The following INPP4B variants were observed in gnomAD, a reference collection of about 807,000 sequenced individuals.
INPP4B encodes the protein inositol polyphosphate 4-phosphatase type II.
A neutral mutation model predicts 122.5 loss-of-function variants in INPP4B; 55 were observed. The observed-to-expected ratio is 0.45, with a 90% CI of 0.36 to 0.56. The LOEUF is 0.56. Among genes scored for constraint, INPP4B ranks in the 20% least tolerant of loss-of-function variants. The pLI is 0.00. For missense variants in INPP4B, 1,000 were observed against 1,097.7 expected (o/e 0.91, Z 1.26); for synonymous variants, 403 against 388.7 (o/e 1.04, Z -0.43).
At chr4:142,465,108 C>A (rs1392951857) in intron 2 of INPP4B, among the ~76,000 whole-genome samples, 1 of 152,162 alleles carries the variant, frequency 6.6e-6, no homozygotes, top group Non-Finnish European at 1.5e-5. Context: ...AATGCATACA[C>A]AAGATGGGTA....
At chr4:142,362,820 C>T (rs28707318) in intron 7 of INPP4B, among the ~76,000 whole-genome samples, 61,823 of 151,612 alleles carry the variant, frequency 0.41, 13,000 homozygotes, top group East Asian at 0.64. Flanking sequence ...GAGCAATGGA[C>T]ATTGAGTTTT....
intron 3 of INPP4B, among the ~76,000 whole-genome samples, chr4:142,442,150 T>C (rs1426417734): frequency 2.0e-5 from 3 of 151,998 alleles, no homozygotes; most frequent in African/African-American, 7.2e-5. Flanking sequence ...GGCTCACGCC[T>C]ACCTGTAATC....
At chr4:142,041,170 A>T (rs995368097) in intron 25 of INPP4B, among the ~76,000 whole-genome samples, 1 of 152,154 alleles carries the variant, frequency 6.6e-6, no homozygotes, top group Non-Finnish European at 1.5e-5. Context: ...ACACGAAAAA[A>T]AATTAGCTCA....
intron 3 of INPP4B, among the ~76,000 whole-genome samples, chr4:142,442,792 A>C (rs143634987): frequency 0.054 from 8,262 of 152,242 alleles, 485 homozygotes; most frequent in African/African-American, 0.14. Context: ...TCACACTGAT[A>C]ATAAAGACAT....
At chr4:142,763,150 T>G (rs758953419) in intron 1 of INPP4B, among the ~76,000 whole-genome samples, 1 of 152,120 alleles carries the variant, frequency 6.6e-6, no homozygotes, top group Non-Finnish European at 1.5e-5. Context: ...CTTGGAGAAG[T>G]CCTTTAATTT....
intron 2 of INPP4B, among the ~76,000 whole-genome samples, chr4:142,712,011 G>T (rs1412527932): frequency 6.6e-6 from 1 of 152,136 alleles, no homozygotes; most frequent in African/African-American, 2.4e-5. Flanking sequence ...TTGTGCCACT[G>T]CACTCCAGCC....
intron 1 of INPP4B, among the ~76,000 whole-genome samples, chr4:142,820,906 T>C (rs773770815): frequency 6.6e-6 from 1 of 152,170 alleles, no homozygotes; most frequent in Non-Finnish European, 1.5e-5. Context: ...TTATTTAGCT[T>C]AGTCCGAGTC....
chr4:142,555,824 T>A (rs1295991233), intron 2 of INPP4B, among the ~76,000 whole-genome samples: 1 of 143,484 alleles, frequency 7.0e-6, no homozygotes, highest in East Asian at 2.0e-4. Context: ...TGAGCCAAGA[T>A]CATGCCACTG....
At chr4:142,211,410 A>T (rs1844828099) in intron 12 of INPP4B, among the ~76,000 whole-genome samples, 1 of 152,172 alleles carries the variant, frequency 6.6e-6, no homozygotes, top group Admixed American at 6.6e-5. Context: ...TTCATTTGTC[A>T]CTCAATGGTC....
At chr4:142,827,448 T>A (rs1374758235) in intron 1 of INPP4B, among the ~76,000 whole-genome samples, 1 of 152,134 alleles carries the variant, frequency 6.6e-6, no homozygotes, top group Non-Finnish European at 1.5e-5. Flanking sequence ...CAATAATAAT[T>A]TGTTACCATT....
chr4:142,369,450 C>A (rs1358154674), intron 7 of INPP4B, among the ~76,000 whole-genome samples: 2 of 151,514 alleles, frequency 1.3e-5, no homozygotes, highest in Admixed American at 1.3e-4. Context: ...TGGTGGCATG[C>A]CTGTAGTCCC....
chr4:142,350,981 T>C (rs535379675), intron 7 of INPP4B, among the ~76,000 whole-genome samples: 4 of 152,090 alleles, frequency 2.6e-5, no homozygotes, highest in South Asian at 2.1e-4. Context: ...GAAATATTGT[T>C]TTCCTATGGG....
intron 2 of INPP4B, among the ~76,000 whole-genome samples, chr4:142,621,644 C>T (rs1372006040): frequency 6.6e-6 from 1 of 151,902 alleles, no homozygotes; most frequent in Non-Finnish European, 1.5e-5. Flanking sequence ...TATTTTTTAA[C>T]ATCTCTAAAT....
chr4:142,673,700 C>G (rs932278605), intron 2 of INPP4B, among the ~76,000 whole-genome samples: 4 of 152,100 alleles, frequency 2.6e-5, no homozygotes, highest in Non-Finnish European at 5.9e-5. Context: ...CCAGAATGAA[C>G]AGAAGATGAA....
Position 142,226,996 on chromosome 4 carries a change from GACAA to G in INPP4B, c.836+10864_836+10867del, listed in dbSNP as rs141478180. 5.8e-3 allele frequency among the ~76,000 whole-genome samples: 889 copies of G among 152,260 alleles called. 10 individuals are homozygous for G. The highest frequency in any genetic ancestry group is 0.017 in the African/African-American group (715 of 41,556). Reference sequence around the variant, plus strand: ...CACGTTGAGTTGGAGCTAACTGCAAGACAAACAAACAGAAACATTCGGCAGGTGG... The same window carrying G: ...CACGTTGAGTTGGAGCTAACTGCAAGACAAACAGAAACATTCGGCAGGTGG... On this transcript the variant is annotated intron_variant, in intron 12 of 25. Transcript: ENST00000262992.
intron 2 of INPP4B, among the ~76,000 whole-genome samples, chr4:142,505,607 G>A (rs1037195255): frequency 1.3e-5 from 2 of 152,128 alleles, no homozygotes; most frequent in African/African-American, 4.8e-5. Context: ...CATAGTAAGA[G>A]CTCAATAAAT....
chr4:142,647,468 C>T (rs1307815799), intron 2 of INPP4B, among the ~76,000 whole-genome samples: 1 of 152,114 alleles, frequency 6.6e-6, no homozygotes, highest in African/African-American at 2.4e-5. Context: ...AGTGAAAAGG[C>T]CATCAATGAT....
intron 9 of INPP4B, among the ~76,000 whole-genome samples, chr4:142,272,633 A>G (rs1313909562): frequency 6.6e-6 from 1 of 152,014 alleles, no homozygotes; most frequent in Non-Finnish European, 1.5e-5. Flanking sequence ...GGCTTTAAAT[A>G]ATTCATTATA....
intron 14 of INPP4B, among the ~76,000 whole-genome samples, chr4:142,201,771 A>G (rs931484029): frequency 1.3e-4 from 20 of 152,090 alleles, no homozygotes; most frequent in African/African-American, 4.3e-4. Flanking sequence ...AGAAAACAAA[A>G]TTAAAATTCT....
Sources: gnomAD v4.1 joint callset for allele counts (sites outside exome capture counted in the v4.1 genomes callset) on GRCh38, gnomAD v4.1.1 for gene constraint, MANE v1.5 for transcripts, NCBI Gene and HGNC (gene_info 2026-07-23, HGNC 2026-07-21) for gene names.